DNAH1: variants seen among roughly 807,000 people sequenced by gnomAD.
DNAH1 encodes axonemal beta dynein heavy chain 1.
In DNAH1, 327 loss-of-function variants were observed where a neutral mutation model predicts 484.3. The observed-to-expected ratio is 0.68, with a 90% confidence interval of 0.62 to 0.74. DNAH1 has a LOEUF of 0.74. DNAH1 is among the 30% of genes least tolerant of loss of function. The probability of loss-of-function intolerance (pLI) is 0.00; values close to 1 mark genes in which losing one functional copy is unlikely to be tolerated. For synonymous variants in DNAH1, 2,192 were observed against 2,191.9 expected (o/e 1.00, Z 0.00); for missense variants, 5,052 against 5,546.8 (o/e 0.91, Z 2.83).
intron 3 of DNAH1, among the ~76,000 whole-genome samples, chr3:52,325,739 A>C (rs139968110): frequency 1.2e-4 from 18 of 152,284 alleles, no homozygotes; most frequent in East Asian, 7.7e-4. Context: ...TCAGACTCCA[A>C]TATGCTGAGG....
chr3:52,354,684 C>T (rs1181829326), intron 20 of DNAH1, among the ~76,000 whole-genome samples, 159 bp from the exon 21 acceptor site: 1 of 151,776 alleles, frequency 6.6e-6, no homozygotes, highest in Non-Finnish European at 1.5e-5. Context: ...ATGAGGGGCT[C>T]ACACGGGACT....
Position 52,368,062 on chromosome 3 carries a change from G to C in DNAH1, c.5766-679G>C, listed in dbSNP as rs1016736377. Among the ~76,000 whole-genome samples the C allele has an allele frequency of 2.0e-5, 3 of 152,178 alleles. No individual in the cohort carries two copies. The highest frequency in any genetic ancestry group is 7.2e-5 in the African/African-American group (3 of 41,438). On this transcript the variant is annotated intron_variant, in intron 36 of 77. Transcript: ENST00000420323. This position sits in a 1 kb window ranked among gnomAD's most constrained non-coding sequence, Gnocchi z 4.4. Reference sequence around the variant, plus strand: ...GGTGGAAAATCCAGAGGAAACATCAGTGGTGAGGGGGATTCTGGTTGAACC... The same window carrying C: ...GGTGGAAAATCCAGAGGAAACATCACTGGTGAGGGGGATTCTGGTTGAACC...
At position 52,352,981 on chromosome 3, in the gene DNAH1, C is replaced by T. The variant is rs563277334; in HGVS notation, c.3028-122C>T. On this transcript the variant is annotated intron_variant, in intron 18 of 77. Coordinates refer to ENST00000420323, the MANE Select transcript of DNAH1 (RefSeq NM_015512.5). ...GGCCAGGCCCAGGTGTTTGGGGGCA[C>T]GGTCAGGGACATCAGCCAGGAGCAA... 4.4e-4 allele frequency: 480 copies of T among 1,087,314 alleles called. 1 individual carries two copies. Among genetic ancestry groups the T allele is most frequent in the Middle Eastern group, 5.9e-4 (2 of 3,398 alleles). The allele number at this position is 1,087,314 out of a possible 1,614,324, so 67.4% of individuals were successfully genotyped here.
rs1703838568 is a variant in DNAH1 at position 52,381,418 on chromosome 3, C to G, written c.7609-222C>G. Reference sequence around the variant, plus strand: ...GTGAGCCACCGCGCTAGGCCAATCCCTCAGTGTTTTGAGCAACAATCTAAG... The same window carrying G: ...GTGAGCCACCGCGCTAGGCCAATCCGTCAGTGTTTTGAGCAACAATCTAAG... On this transcript the variant is annotated intron_variant, in intron 48 of 77. Transcript: ENST00000420323. This position sits in a 1 kb window ranked among gnomAD's most constrained non-coding sequence, Gnocchi z 4.1. 6.6e-6 allele frequency among the ~76,000 whole-genome samples: 1 copy of G among 152,148 alleles called. No homozygotes were observed. The highest frequency in any genetic ancestry group is 2.4e-5 in the African/African-American group (1 of 41,424).
intron 75 of DNAH1, 45 bp downstream of exon 75, chr3:52,398,207 A>T (rs1159375848): frequency 1.3e-6 from 2 of 1,567,062 alleles, no homozygotes; most frequent in Admixed American, 3.6e-5. Context: ...CGGCCACTGG[A>T]CTGTAGAGAA....
chr3:52,391,514 G>A lies in DNAH1; in HGVS notation c.9963G>A (p.Arg3321=). The part of the protein sequence containing the change: ...DTVIPYHEDF[R]MYITTKLPNP... ...TGATCCCCTACCATGAGGACTTCAG[G>A]ATGTACATCACCACCAAGCTGCCCA... Residue 3321 remains arginine, a synonymous_variant, in exon 63 of 78, where the codon AGG becomes AGA. Coordinates refer to ENST00000420323, the MANE Select transcript of DNAH1 (RefSeq NM_015512.5). The A allele has an allele frequency of 1.2e-6, 2 of 1,613,572 alleles. No individual in the cohort carries two copies. The highest frequency in any genetic ancestry group is 1.7e-6 in the Non-Finnish European group (2 of 1,179,760).
intron 20 of DNAH1, among the ~76,000 whole-genome samples, chr3:52,354,326 T>C (rs1702518054): frequency 6.6e-6 from 1 of 152,222 alleles, no homozygotes; most frequent in Admixed American, 6.5e-5. Context: ...TACAACCACA[T>C]GCAGCACATG....
In DNAH1 at chr3:52,353,338, C is replaced by T. The variant is rs1702473115; in HGVS notation, c.3226+37C>T. 2 of 1,608,370 alleles carry T rather than the reference C, an allele frequency of 1.2e-6. No individual in the cohort carries two copies. Among genetic ancestry groups the T allele is most frequent in the Non-Finnish European group, 8.5e-7 (1 of 1,175,924 alleles). On this transcript the variant is annotated intron_variant, in intron 19 of 77. Transcript: ENST00000420323. This position sits in a 1 kb window ranked among gnomAD's most constrained non-coding sequence, Gnocchi z 5.0. ...AGCCGGCCAATCCCCTCCTCCCTGC[C>T]TCTGCCGCCTGCCTCTCATGCGTTT...
intron 49 of DNAH1, 126 bp from the exon 50 acceptor site, chr3:52,382,194 G>A: frequency 6.8e-7 from 1 of 1,471,180 alleles, no homozygotes; most frequent in African/African-American, 1.4e-5. Context: ...GGGCCTGAAG[G>A]GTCTGCAGGT....
intron 8 of DNAH1, 96 bp downstream of exon 8, chr3:52,332,490 A>T: frequency 6.6e-7 from 1 of 1,519,418 alleles, no homozygotes; most frequent in Admixed American, 1.8e-5. Flanking sequence ...GAGCTCCCTC[A>T]GGGCTCATCT....
chr3:52,361,176 A>T lies in DNAH1; in HGVS notation c.4698A>T (p.Thr1566=). 6.2e-7 allele frequency: 1 copy of T among 1,607,506 alleles called. No homozygotes were observed. Among genetic ancestry groups the T allele is most frequent in the Non-Finnish European group, 8.5e-7 (1 of 1,177,200 alleles). Reference sequence around the variant, plus strand: ...CTGTCTCCTGCAGGTGCTACCTGACACTGACCGGAGCTCTGCACCTCAAGT... The same window carrying T: ...CTGTCTCCTGCAGGTGCTACCTGACTCTGACCGGAGCTCTGCACCTCAAGT... The part of the protein sequence containing the change: ...ITPLTDRCYL[T]LTGALHLKFG... Residue 1566 remains threonine (T), a synonymous_variant, in exon 29 of 78, where the codon ACA becomes ACT. Transcript: ENST00000420323. The surrounding 1 kb of genome is among the most constrained non-coding windows in gnomAD (Gnocchi z 5.6).
Position 52,368,780 on chromosome 3 carries a change from C to T in DNAH1, c.5805C>T (p.Ala1935=), listed in dbSNP as rs1703191936. 1.9e-5 allele frequency: 30 copies of T among 1,613,980 alleles called. No homozygotes were observed. The East Asian group carries it at 6.5e-4, about 35-fold the overall frequency. The change falls in exon 37 of 78, where the codon GCC becomes GCT. Residue 1935 remains alanine (A), a synonymous_variant. Coordinates refer to ENST00000420323, the MANE Select transcript of DNAH1 (RefSeq NM_015512.5). The surrounding 1 kb of genome is among the most constrained non-coding windows in gnomAD (Gnocchi z 4.4). The part of the protein sequence containing the change: ...GIFSSFIRAG[A]ITSDTNKKWY... Reference sequence around the variant, plus strand: ...TCTCCTCGTTCATCCGGGCGGGGGCCATCACCTCCGACACCAACAAGAAGT... The same window carrying T: ...TCTCCTCGTTCATCCGGGCGGGGGCTATCACCTCCGACACCAACAAGAAGT...
chr3:52,332,319 A>G lies in DNAH1; in HGVS notation c.1211A>G (p.His404Arg). 1.2e-6 allele frequency: 2 copies of G among 1,614,060 alleles called. No individual in the cohort carries two copies. Among genetic ancestry groups the G allele is most frequent in the Non-Finnish European group, 1.7e-6 (2 of 1,179,900 alleles). Residue 404 changes from histidine to arginine, a missense_variant, in exon 8 of 78, where the codon CAT becomes CGT. By Grantham distance (29) the His-to-Arg change is conservative. Around this residue, in one of 4 missense-constraint regions of DNAH1, gnomAD observed 1,263 missense variants for 1,218.8 expected, o/e 1.04. Coordinates refer to ENST00000420323, the MANE Select transcript of DNAH1 (RefSeq NM_015512.5). ...GACTGCATGCCCTCTGACGGCCAGCATGTCATCAGTGAACAGAGCCTGAGC... is the reference window on the plus strand; with the variant it reads ...GACTGCATGCCCTCTGACGGCCAGCGTGTCATCAGTGAACAGAGCCTGAGC... ...YVDCMPSDGQ[H>R]VISEQSLSKI...
upstream of DNAH1, among the ~76,000 whole-genome samples, chr3:52,312,521 A>G (rs1396712869): frequency 2.1e-5 from 3 of 144,968 alleles, no homozygotes; most frequent in African/African-American, 7.8e-5. Context: ...CCCAAGCTGG[A>G]GCACAGTGCC....
In DNAH1 at chr3:52,344,509, A is replaced by T. The variant is rs1447805052; in HGVS notation, c.1306A>T (p.Ser436Cys). 5.0e-6 allele frequency: 8 copies of T among 1,613,844 alleles called. No individual in the cohort carries two copies. Among genetic ancestry groups the T allele is most frequent in the Non-Finnish European group, 6.8e-6 (8 of 1,179,842 alleles). ...KGPSVLEHLS[S>C]LAREVSLDYE... ...GGGCAGGGTTCTAGAGCACCTCAGCAGTCTTGCCAGAGAAGTGAGCCTGGA... is the reference window on the plus strand; with the variant it reads ...GGGCAGGGTTCTAGAGCACCTCAGCTGTCTTGCCAGAGAAGTGAGCCTGGA... Residue 436 changes from serine (S) to cysteine (C), a missense_variant, in exon 9 of 78, where the codon AGT (serine) becomes TGT (cysteine). Physicochemically the swap from Ser to Cys is moderately radical, Grantham distance 112. Coordinates refer to ENST00000420323, the MANE Select transcript of DNAH1 (RefSeq NM_015512.5).
At chr3:52,338,702 T>C (rs892677608) in intron 8 of DNAH1, among the ~76,000 whole-genome samples, 13 of 152,008 alleles carry the variant, frequency 8.6e-5, no homozygotes, top group African/African-American at 2.2e-4. Flanking sequence ...TTCTCCACTT[T>C]GGTTGCCTTG....
At chr3:52,314,401 T>A (rs563984243), upstream of DNAH1, among the ~76,000 whole-genome samples, 1 of 152,090 alleles carries the variant, frequency 6.6e-6, no homozygotes, top group Non-Finnish European at 1.5e-5. Context: ...CACCCTCAGA[T>A]GGAGGTCAGA....
chr3:52,312,722 G>A (rs932735883), upstream of DNAH1, among the ~76,000 whole-genome samples: 14 of 152,022 alleles, frequency 9.2e-5, no homozygotes, highest in South Asian at 2.1e-4. Flanking sequence ...GTGCGATCTC[G>A]GCTCACTGCA....
chr3:52,323,862 G>T lies in DNAH1; in HGVS notation c.388G>T (p.Asp130Tyr), dbSNP rs544487342. The T allele has an allele frequency of 6.3e-7, 1 of 1,578,884 alleles. No homozygotes were observed. The highest frequency in any genetic ancestry group is 1.2e-5 in the South Asian group (1 of 85,966). Reference sequence around the variant, plus strand: ...GAACCTCCTGCGGCAGGCTGACCTTGACAAGTTCACCCCAAGAGGTCAGTG... The same window carrying T: ...GAACCTCCTGCGGCAGGCTGACCTTTACAAGTTCACCCCAAGAGGTCAGTG... ...SQNLLRQADL[D>Y]KFTPRVGSFE... The change falls in exon 3 of 78, where the codon GAC becomes TAC. Residue 130 changes from aspartate (D) to tyrosine (Y), a missense_variant. Coordinates refer to ENST00000420323, the MANE Select transcript of DNAH1 (RefSeq NM_015512.5).
Sources: allele counts gnomAD v4.1 joint callset (sites outside exome capture counted in the v4.1 genomes callset), GRCh38; gene constraint gnomAD v4.1.1; regional missense constraint gnomAD v4.1.1; non-coding constraint Gnocchi (gnomAD v3.1); transcripts MANE v1.5; gene names NCBI Gene and HGNC (gene_info 2026-07-23, HGNC 2026-07-21).